Variants in CUX1 observed in about 807,000 individuals in gnomAD.
CUX1 encodes the protein protein CASP.
A neutral mutation model predicts 158.8 loss-of-function variants in CUX1; 31 were observed. That is an observed-to-expected ratio of 0.20 (90% CI 0.15 to 0.26). CUX1 has a LOEUF of 0.26. Among genes scored for constraint, CUX1 ranks in the 10% least tolerant of loss-of-function variants. The pLI is 1.00. For missense variants in CUX1, 1,589 were observed against 2,014.6 expected (o/e 0.79, Z 4.04); for synonymous variants, 879 against 862.1 (o/e 1.02, Z -0.34).
chr7:101,909,193 T>C (rs1803116988), intron 1 of CUX1, among the ~76,000 whole-genome samples: 1 of 149,152 alleles, frequency 6.7e-6, no homozygotes, highest in Non-Finnish European at 1.5e-5. Context: ...AGGCCAGGAG[T>C]CCAGTTCAGG....
intron 4 of CUX1, among the ~76,000 whole-genome samples, chr7:102,089,910 G>A (rs1828354008): frequency 1.3e-5 from 2 of 152,192 alleles, no homozygotes; most frequent in South Asian, 4.1e-4. Context: ...GCCAGGAAGG[G>A]TAACATAGAG....
intron 6 of CUX1, among the ~76,000 whole-genome samples, chr7:102,105,550 T>C (rs1830258763): frequency 7.0e-6 from 1 of 141,918 alleles, no homozygotes; most frequent in Non-Finnish European, 1.5e-5. Flanking sequence ...TTCACTCTCA[T>C]TGCCCAGGCT....
At chr7:101,892,212 T>A (rs1373591708) in intron 1 of CUX1, among the ~76,000 whole-genome samples, 1 of 152,262 alleles carries the variant, frequency 6.6e-6, no homozygotes, top group Non-Finnish European at 1.5e-5. Context: ...CTGGTCAGAT[T>A]CTTTCAATGC....
intron 5 of CUX1, among the ~76,000 whole-genome samples, chr7:102,100,419 A>G (rs1157225961): frequency 6.6e-6 from 1 of 152,202 alleles, no homozygotes; most frequent in Non-Finnish European, 1.5e-5. Context: ...GATACTTACC[A>G]GGTAGGGTTG....
At chr7:102,214,981 T>C (rs1392316762) in intron 20 of CUX1, among the ~76,000 whole-genome samples, 3 of 152,138 alleles carry the variant, frequency 2.0e-5, no homozygotes, top group Admixed American at 2.0e-4. Flanking sequence ...AATTAGGCGG[T>C]AGTTGGAACA....
At chr7:102,056,402 A>G (rs1386486116) in intron 3 of CUX1, among the ~76,000 whole-genome samples, 1 of 152,172 alleles carries the variant, frequency 6.6e-6, no homozygotes, top group African/African-American at 2.4e-5. Flanking sequence ...AGTTGAAGCC[A>G]TTGCTCATTT....
In CUX1 at chr7:102,201,724, G is replaced by T; in HGVS notation, c.2427G>T (p.Gln809His). 1 of 1,612,594 alleles carries T rather than the reference G, an allele frequency of 6.2e-7. No homozygotes were observed. Among genetic ancestry groups the T allele is most frequent in the Non-Finnish European group, 8.5e-7 (1 of 1,179,894 alleles). ...ATTGTGCACAAGGGGTCCTGAGACA[G>T]GTGAAAAATGAGGTGGGCCGCAGCG... is the stretch of plus-strand genomic sequence containing the variant. Reference protein sequence around the residue: ...AADCAQGVLRQVKNEVGRSGA... With the variant: ...AADCAQGVLRHVKNEVGRSGA... The change falls in exon 18 of 24, where the codon CAG (glutamine) becomes CAT (histidine). Residue 809 changes from glutamine to histidine, a missense_variant. Gln to His is a conservative substitution (Grantham distance 24, BLOSUM62 0). This residue lies in a region of CUX1 where 337 missense variants were observed against 409.3 expected (regional missense o/e 0.82). Coordinates refer to ENST00000292535, the MANE Select transcript of CUX1 (RefSeq NM_181552.4). This position sits in a 1 kb window ranked among gnomAD's most constrained non-coding sequence, Gnocchi z 5.0.
chr7:102,128,907 G>A (rs757560803), intron 8 of CUX1, among the ~76,000 whole-genome samples: 3 of 152,016 alleles, frequency 2.0e-5, no homozygotes, highest in Non-Finnish European at 2.9e-5. Context: ...GAACTGGGGA[G>A]GTGGAGGTTG....
At chr7:102,205,250 C>A in intron 20 of CUX1, 80 bp downstream of exon 20, 2 of 1,048,716 alleles carry the variant, frequency 1.9e-6, no homozygotes, top group South Asian at 1.3e-5. Flanking sequence ...TCTGTCCCGG[C>A]GAGACTCCGA....
intron 1 of CUX1, 125 bp from the exon 2 acceptor site, chr7:101,915,990 T>G (rs1374300094): frequency 8.8e-6 from 6 of 680,406 alleles, no homozygotes; most frequent in African/African-American, 5.3e-5. Flanking sequence ...CCTCTGCCAA[T>G]GAGTTGATGT....
chr7:101,960,672 T>C (rs1200829695), intron 2 of CUX1: 1 of 152,194 alleles, frequency 6.6e-6, no homozygotes, highest in East Asian at 1.9e-4. Context: ...GGCCTTAATA[T>C]ACCTTTTTTA....
At chr7:102,034,163 A>AAAAAAAAAAAAC (rs1206836665) in intron 3 of CUX1, among the ~76,000 whole-genome samples, 1 of 150,966 alleles carries the variant, frequency 6.6e-6, no homozygotes, top group Non-Finnish European at 1.5e-5. Flanking sequence ...AAAAAAAAAA[A>AAAAAAAAAAAAC]AAAAGTCAGT....
intron 3 of CUX1, 134 bp from the exon 4 acceptor site, chr7:102,070,205 C>G: frequency 1.4e-6 from 1 of 699,440 alleles, no homozygotes; most frequent in South Asian, 1.8e-5. Flanking sequence ...GGCATTTCCT[C>G]TAAGAGGCTG....
At chr7:101,832,633 T>C (rs951445076) in intron 1 of CUX1, among the ~76,000 whole-genome samples, 20 of 152,310 alleles carry the variant, frequency 1.3e-4, no homozygotes, top group African/African-American at 4.3e-4. Context: ...TGTAATTCCC[T>C]GGTTTCATGA....
intron 20 of CUX1, among the ~76,000 whole-genome samples, chr7:102,205,982 T>A (rs553131168): frequency 1.3e-5 from 2 of 152,266 alleles, no homozygotes; most frequent in African/African-American, 4.8e-5. Context: ...GTCCTCTTTT[T>A]CCCTTTCTGT....
chr7:101,977,583 A>C (rs1280384126), intron 2 of CUX1, among the ~76,000 whole-genome samples: 2 of 152,080 alleles, frequency 1.3e-5, no homozygotes, highest in African/African-American at 4.8e-5. Flanking sequence ...TCGAGGCTGC[A>C]GGTTAGCTAT....
downstream of CUX1, among the ~76,000 whole-genome samples, chr7:102,262,505 G>C (rs1051119574): frequency 6.6e-6 from 1 of 152,232 alleles, no homozygotes; most frequent in Non-Finnish European, 1.5e-5. Context: ...GCAGGGCAGA[G>C]CCTGGAAGGA....
chr7:101,958,844 C>CTATTT (rs1810095631), intron 2 of CUX1, among the ~76,000 whole-genome samples: 1 of 65,816 alleles, frequency 1.5e-5, no homozygotes, highest in Admixed American at 2.3e-4. Flanking sequence ...AGATGATGCC[C>CTATTT]TTTTTTTTTT....
Position 102,201,306 on chromosome 7 carries a change from C to G in CUX1, c.2063-54C>G, listed in dbSNP as rs1184085720. 7 of 1,577,754 alleles carry G rather than the reference C, an allele frequency of 4.4e-6. No homozygotes were observed. Among genetic ancestry groups the G allele is most frequent in the Non-Finnish European group, 6.0e-6 (7 of 1,161,376 alleles). On this transcript the variant is annotated intron_variant, in intron 17 of 23. Transcript: ENST00000292535. The surrounding 1 kb of genome is among the most constrained non-coding windows in gnomAD (Gnocchi z 5.0). Reference sequence around the variant, plus strand: ...GGTCAAGTTAGGATGAGAAGCATGTCCCCAGCTGAAGGGGGCCGCCCTGCC... The same window carrying G: ...GGTCAAGTTAGGATGAGAAGCATGTGCCCAGCTGAAGGGGGCCGCCCTGCC...
Sources: allele counts gnomAD v4.1 joint callset (sites outside exome capture counted in the v4.1 genomes callset), GRCh38; gene constraint gnomAD v4.1.1; regional missense constraint gnomAD v4.1.1; non-coding constraint Gnocchi (gnomAD v3.1); transcripts MANE v1.5; gene names NCBI Gene and HGNC (gene_info 2026-07-23, HGNC 2026-07-21).